Variants in GATB observed in about 807,000 individuals in gnomAD.
GATB encodes the protein glutamyl-tRNA(Gln) amidotransferase subunit B, mitochondrial.
A neutral mutation model predicts 62.3 loss-of-function variants in GATB; 39 were observed. The ratio of observed to expected loss-of-function variants is 0.63; its 90% CI spans 0.48 to 0.82. The LOEUF is 0.82. GATB is among the 40% of genes least tolerant of loss of function. The pLI is 0.00. For missense variants in GATB, 670 were observed against 684.0 expected, an observed-to-expected ratio of 0.98 and a Z score of 0.23; for synonymous variants, 276 against 258.9, an observed-to-expected ratio of 1.07 and a Z score of -0.63.
intron 9 of GATB, among the ~76,000 whole-genome samples, chr4:151,699,751 T>C (rs990923398): frequency 6.6e-6 from 1 of 151,578 alleles, no homozygotes; most frequent in Non-Finnish European, 1.5e-5. Flanking sequence ...TGAAAGTTTC[T>C]TTCACTCTCT....
chr4:151,731,177 C>T (rs958661683), intron 2 of GATB, among the ~76,000 whole-genome samples: 1 of 149,348 alleles, frequency 6.7e-6, no homozygotes, highest in Non-Finnish European at 1.5e-5. Context: ...CGAGGCTGGA[C>T]TATACTGCTG....
chr4:151,709,534 C>T (rs1578915167), intron 5 of GATB, among the ~76,000 whole-genome samples: 1 of 152,174 alleles, frequency 6.6e-6, no homozygotes, highest in African/African-American at 2.4e-5. Context: ...AGGTCATCTT[C>T]TACTTCTCTG....
chr4:151,734,762 C>A (rs181114212), intron 2 of GATB, among the ~76,000 whole-genome samples: 3 of 152,138 alleles, frequency 2.0e-5, no homozygotes, highest in Non-Finnish European at 4.4e-5. Context: ...GAATAGAGAA[C>A]CCAGAAATAA....
At chr4:151,697,965 A>ATATATATATATGTG (rs1738515829) in intron 9 of GATB, among the ~76,000 whole-genome samples, 13 of 109,018 alleles carry the variant, frequency 1.2e-4, no homozygotes, top group African/African-American at 3.0e-4. Flanking sequence ...ATATATATAT[A>ATATATATATATGTG]TATATATATA....
chr4:151,747,091 CA>C (rs1298877580), intron 2 of GATB, among the ~76,000 whole-genome samples: 1 of 152,000 alleles, frequency 6.6e-6, no homozygotes, highest in Non-Finnish European at 1.5e-5. Flanking sequence ...TAAGTGAATA[CA>C]TATAAAGCAC....
chr4:151,679,784 G>C (rs747400337), intron 11 of GATB, 29 bp downstream of exon 11: 1 of 1,586,638 alleles, frequency 6.3e-7, no homozygotes, highest in Non-Finnish European at 8.7e-7. Context: ...CAGTAGCACA[G>C]TCAGAAGCTG....
chr4:151,693,707 T>C (rs796550063), intron 9 of GATB, among the ~76,000 whole-genome samples: 27 of 152,316 alleles, frequency 1.8e-4, no homozygotes, highest in African/African-American at 6.5e-4. Context: ...CAGCAAGGCT[T>C]GGGAGCCCCT....
rs905938133 is a variant in GATB at position 151,730,725 on chromosome 4, G to A, written c.328-11187C>T. ...AGCCACATCCACAGGAAAAGGGAGAGAATATTATTACATCAAGGGAACACC... is the reference window on the plus strand; with the variant it reads ...AGCCACATCCACAGGAAAAGGGAGAAAATATTATTACATCAAGGGAACACC... On this transcript the variant is annotated intron_variant, in intron 2 of 12. Coordinates refer to ENST00000263985, the MANE Select transcript of GATB (RefSeq NM_004564.3). This position sits in a 1 kb window ranked among gnomAD's most constrained non-coding sequence, Gnocchi z 4.1. Among the ~76,000 whole-genome samples the A allele has an allele frequency of 6.6e-6, 1 of 152,196 alleles. No individual in the cohort carries two copies. Among genetic ancestry groups the A allele is most frequent in the Admixed American group, 6.5e-5 (1 of 15,284 alleles).
At chr4:151,736,302 T>A (rs1392519872) in intron 2 of GATB, among the ~76,000 whole-genome samples, 3 of 152,208 alleles carry the variant, frequency 2.0e-5, no homozygotes, top group African/African-American at 7.2e-5. Flanking sequence ...ATCAAGAGTA[T>A]GAAAGGAAGA....
At chr4:151,710,189 G>C (rs1024613717) in intron 5 of GATB, among the ~76,000 whole-genome samples, 6 of 152,146 alleles carry the variant, frequency 3.9e-5, no homozygotes, top group African/African-American at 1.4e-4. Context: ...TTTAAGACCA[G>C]AATGAAAGGC....
intron 11 of GATB, among the ~76,000 whole-genome samples, chr4:151,679,292 T>C (rs1344275905): frequency 1.3e-5 from 2 of 152,212 alleles, no homozygotes; most frequent in Admixed American, 1.3e-4. Flanking sequence ...CTGCTTAGGA[T>C]GATGCTATTT....
rs150995882 is a variant in GATB at position 151,738,258 on chromosome 4, G to A, written c.328-18720C>T. Among the ~76,000 whole-genome samples, 976 of 152,334 alleles carry A rather than the reference G, an allele frequency of 6.4e-3. 8 individuals are homozygous for A. Among genetic ancestry groups the A allele is most frequent in the Non-Finnish European group, 0.012 (802 of 68,028 alleles). On this transcript the variant is annotated intron_variant, in intron 2 of 12. Coordinates refer to ENST00000263985, the MANE Select transcript of GATB (RefSeq NM_004564.3). ...AGCCAGCGTGACCTGGATGTGAGAC[G>A]TGGAGTCAAAGGAGATCATTTTGGA...
At chr4:151,672,413 C>T (rs373725151) in intron 12 of GATB, among the ~76,000 whole-genome samples, 1 of 152,122 alleles carries the variant, frequency 6.6e-6, no homozygotes, top group Admixed American at 6.5e-5. Flanking sequence ...TAGGAAGTAG[C>T]GCTAACCACA....
At chr4:151,684,044 G>A (rs1738197241) in intron 10 of GATB, among the ~76,000 whole-genome samples, 2 of 152,192 alleles carry the variant, frequency 1.3e-5, no homozygotes, top group African/African-American at 4.8e-5. Flanking sequence ...CTTGCTGTGG[G>A]TCTGGCCACA....
At chr4:151,731,727 G>A (rs1468808583) in intron 2 of GATB, among the ~76,000 whole-genome samples, 3 of 148,544 alleles carry the variant, frequency 2.0e-5, no homozygotes, top group African/African-American at 5.0e-5. Flanking sequence ...CTGCCCCGCT[G>A]CCCCGTCTGG....
At chr4:151,707,695 A>G (rs1300208913) in intron 6 of GATB, among the ~76,000 whole-genome samples, 3 of 152,206 alleles carry the variant, frequency 2.0e-5, no homozygotes. Flanking sequence ...CCACTGCCTC[A>G]TAAGAAAGCC....
chr4:151,757,467 A>ATTT (rs745311470), intron 2 of GATB, among the ~76,000 whole-genome samples: 368 of 103,758 alleles, frequency 3.5e-3, no homozygotes, highest in African/African-American at 6.0e-3. Flanking sequence ...CAGCTTCCAG[A>ATTT]TTTTTTTTTT....
intron 2 of GATB, among the ~76,000 whole-genome samples, chr4:151,731,271 C>T (rs958651848): frequency 2.0e-5 from 3 of 152,236 alleles, no homozygotes; most frequent in African/African-American, 7.2e-5. Flanking sequence ...CGCGCCGCCA[C>T]GCCTGACTGG....
rs1488689488 is a variant in GATB at position 151,717,268 on chromosome 4, C to T, written c.442-194G>A. On this transcript the variant is annotated intron_variant, in intron 3 of 12. Coordinates refer to ENST00000263985, the MANE Select transcript of GATB (RefSeq NM_004564.3). Reference sequence around the variant, plus strand: ...TGAGCCTGGTCTCTTCTGCCCCTGCCATCACCCCTTCACCCTCCCCAAATC... The same window carrying T: ...TGAGCCTGGTCTCTTCTGCCCCTGCTATCACCCCTTCACCCTCCCCAAATC... 1.0e-5 allele frequency: 6 copies of T among 588,244 alleles called. No homozygotes were observed. In the African/African-American group the frequency reaches 1.1e-4, roughly 11 times the overall value. 36.4% of individuals were successfully genotyped at this position (588,244 alleles called of 1,614,324 possible).
Sources: gnomAD v4.1 joint callset for allele counts (sites outside exome capture counted in the v4.1 genomes callset) on GRCh38, gnomAD v4.1.1 for gene constraint, Gnocchi (gnomAD v3.1) non-coding constraint, MANE v1.5 for transcripts, NCBI Gene and HGNC (gene_info 2026-07-23, HGNC 2026-07-21) for gene names.